Variants in SAMD5 observed in about 807,000 individuals in gnomAD.
SAMD5 encodes the protein sterile alpha motif domain-containing protein 5.
In SAMD5, 13 loss-of-function variants were observed where a neutral mutation model predicts 11.3. The ratio of observed to expected loss-of-function variants is 1.15; its 90% CI spans 0.75 to 1.83. The LOEUF is 1.83. Among genes scored for constraint, SAMD5 ranks in the 40% most tolerant of loss-of-function variants. The pLI is 0.00. For missense variants in SAMD5, 255 were observed against 239.1 expected (o/e 1.07, Z -0.44); for synonymous variants, 129 against 111.3 (o/e 1.16, Z -1.00).
intron 1 of SAMD5, among the ~76,000 whole-genome samples, chr6:147,690,517 C>T (rs192363312): frequency 1.3e-5 from 2 of 151,976 alleles, no homozygotes; most frequent in East Asian, 1.9e-4. Flanking sequence ...GGCGTGGTGG[C>T]GGGCGCCTGC....
At chr6:147,553,902 G>A (rs772459469) in intron 1 of SAMD5, among the ~76,000 whole-genome samples, 5 of 152,056 alleles carry the variant, frequency 3.3e-5, no homozygotes, top group South Asian at 2.1e-4. Context: ...CGAGGTAATG[G>A]GACGGAAAAC....
chr6:147,900,470 C>T, the SAMD5 span, among the ~76,000 whole-genome samples: 2 of 152,282 alleles, frequency 1.3e-5, no homozygotes, highest in South Asian at 2.1e-4. Flanking sequence ...AGCAGTGCTG[C>T]GGTAGTAAGA....
chr6:147,926,309 G>A, the SAMD5 span, among the ~76,000 whole-genome samples: 1 of 152,084 alleles, frequency 6.6e-6, no homozygotes, highest in Admixed American at 6.6e-5. Context: ...TGTTGACGGT[G>A]TATAAGAATT....
chr6:147,826,983 A>G, the SAMD5 span, among the ~76,000 whole-genome samples: 1 of 152,142 alleles, frequency 6.6e-6, no homozygotes, highest in Non-Finnish European at 1.5e-5. Flanking sequence ...CAATCATCCT[A>G]CACCCGCAAG....
chr6:147,858,802 T>C, the SAMD5 span, among the ~76,000 whole-genome samples: 2 of 152,184 alleles, frequency 1.3e-5, no homozygotes, highest in African/African-American at 4.8e-5. Flanking sequence ...CAAGCACAAG[T>C]CTTTCCTCTG....
the SAMD5 span, among the ~76,000 whole-genome samples, chr6:147,887,472 C>T: frequency 6.7e-4 from 102 of 152,348 alleles, no homozygotes; most frequent in African/African-American, 2.4e-3. Flanking sequence ...AGATCCATCT[C>T]ACATTGAGAT....
chr6:147,534,314 T>G (rs1788475418), intron 1 of SAMD5, among the ~76,000 whole-genome samples: 1 of 152,156 alleles, frequency 6.6e-6, no homozygotes. Flanking sequence ...GCACCCTTTT[T>G]GAAGCAAAAT....
intron 1 of SAMD5, among the ~76,000 whole-genome samples, chr6:147,633,485 C>T (rs900407946): frequency 1.3e-4 from 20 of 152,092 alleles, no homozygotes; most frequent in African/African-American, 4.8e-4. Context: ...CACACTAGCA[C>T]AGTCTAGCAT....
intron 1 of SAMD5, among the ~76,000 whole-genome samples, chr6:147,729,216 C>T (rs1791674060): frequency 6.6e-6 from 1 of 152,184 alleles, no homozygotes; most frequent in Non-Finnish European, 1.5e-5. Context: ...ACCCATAGGA[C>T]CTCACTTAGC....
chr6:147,642,067 T>C (rs369804499), intron 1 of SAMD5, among the ~76,000 whole-genome samples: 1 of 152,222 alleles, frequency 6.6e-6, no homozygotes, highest in South Asian at 2.1e-4. Context: ...CTTTCTCTTT[T>C]GTTTAATGGA....
chr6:147,704,651 A>G (rs1441138747), intron 1 of SAMD5, among the ~76,000 whole-genome samples: 3 of 152,224 alleles, frequency 2.0e-5, no homozygotes, highest in Admixed American at 2.0e-4. Context: ...GCCTTGGAAG[A>G]AAGATAACCA....
chr6:147,888,170 AT>A, the SAMD5 span, among the ~76,000 whole-genome samples: 1 of 152,024 alleles, frequency 6.6e-6, no homozygotes, highest in Non-Finnish European at 1.5e-5. Flanking sequence ...TCAATTTATT[AT>A]TTTTCTTTTA....
At chr6:147,827,421 C>T in the SAMD5 span, among the ~76,000 whole-genome samples, 3 of 149,798 alleles carry the variant, frequency 2.0e-5, no homozygotes, top group Non-Finnish European at 4.5e-5. Context: ...AAGGAATGGG[C>T]GAAAAAAAAA....
chr6:147,828,129 T>G, the SAMD5 span, among the ~76,000 whole-genome samples: 1 of 152,304 alleles, frequency 6.6e-6, no homozygotes, highest in South Asian at 2.1e-4. Flanking sequence ...CCTTACAAAA[T>G]GATGGATTTT....
intron 1 of SAMD5, among the ~76,000 whole-genome samples, chr6:147,723,516 A>G (rs1791583901): frequency 6.6e-6 from 1 of 152,200 alleles, no homozygotes; most frequent in Non-Finnish European, 1.5e-5. Context: ...AGTGGCAGCC[A>G]GTTACCTCCT....
the SAMD5 span, among the ~76,000 whole-genome samples, chr6:147,851,243 C>A: frequency 7.2e-5 from 11 of 152,198 alleles, no homozygotes; most frequent in Non-Finnish European, 1.0e-4. Flanking sequence ...TGCGCCCAGC[C>A]AATTGTTCCA....
the SAMD5 span, among the ~76,000 whole-genome samples, chr6:147,946,241 C>T: frequency 6.6e-6 from 1 of 152,166 alleles, no homozygotes; most frequent in Admixed American, 6.5e-5. Flanking sequence ...TCTCTTTTGA[C>T]CACTGTATCC....
At chr6:147,954,642 CTTT>C in the SAMD5 span, among the ~76,000 whole-genome samples, 7 of 137,266 alleles carry the variant, frequency 5.1e-5, no homozygotes, top group Non-Finnish European at 4.7e-5. Context: ...TTTTTAACCT[CTTT>C]TTTTTTTTTT....
At chr6:147,895,916 T>C in the SAMD5 span, among the ~76,000 whole-genome samples, 1 of 152,166 alleles carries the variant, frequency 6.6e-6, no homozygotes, top group Non-Finnish European at 1.5e-5. Flanking sequence ...TTTTGGAACA[T>C]AGGACTCCAA....
Sources: allele counts gnomAD v4.1 joint callset (sites outside exome capture counted in the v4.1 genomes callset), GRCh38; gene constraint gnomAD v4.1.1; transcripts MANE v1.5; gene names NCBI Gene and HGNC (gene_info 2026-07-23, HGNC 2026-07-21).